RRP36: variants seen among roughly 807,000 people sequenced by gnomAD.
RRP36 encodes ribosomal RNA processing protein 36 homolog.
RRP36 carries 44 observed loss-of-function variants against 39.8 expected under a neutral mutation model. The observed-to-expected ratio is 1.10, with a 90% confidence interval of 0.87 to 1.42. RRP36 has a LOEUF of 1.42. Ranked by LOEUF, RRP36 falls within the 40% of genes most tolerant of loss-of-function variation. RRP36 has a pLI of 0.00. For missense variants in RRP36, 316 were observed against 322.4 expected (o/e 0.98, Z 0.15); for synonymous variants, 124 against 123.1 (o/e 1.01, Z -0.05).
At chr6:43,028,921 C>T (rs1029942969) in intron 6 of RRP36, among the ~76,000 whole-genome samples, 171 bp from the exon 7 acceptor site, 7 of 152,096 alleles carry the variant, frequency 4.6e-5, no homozygotes, top group African/African-American at 1.7e-4. Context: ...TCACTGCACT[C>T]CAGCCTGGGT....
chr6:43,027,247 C>T lies in RRP36; in HGVS notation c.520C>T (p.Arg174Ter), dbSNP rs1350000708. The part of the protein sequence containing the change: ...EHEKLQQLLQ[R>*]MEQQEMAQQE... ...TGAGAAACTGCAGCAACTGCTTCAG[C>T]GAATGGTGAGTGGGTAATAATTGTG... Residue 174 changes from arginine to a stop codon, truncating the protein, a stop_gained, in exon 5 of 7, where the codon CGA (arginine) becomes TGA (stop). Transcript: ENST00000244496. LOFTEE classifies it high-confidence loss of function. The T allele has an allele frequency of 1.2e-6, 2 of 1,614,010 alleles. No individual in the cohort carries two copies. Among genetic ancestry groups the T allele is most frequent in the Non-Finnish European group, 8.5e-7 (1 of 1,179,892 alleles).
At chr6:43,024,958 G>T (rs1372891602) in intron 1 of RRP36, 27 bp from the exon 2 acceptor site, 1 of 1,612,128 alleles carries the variant, frequency 6.2e-7, no homozygotes, top group Admixed American at 1.7e-5. Context: ...GCTGAGCTGA[G>T]TTGTATGTCC....
chr6:43,024,886 G>T, intron 1 of RRP36, 99 bp from the exon 2 acceptor site: 1 of 1,381,718 alleles, frequency 7.2e-7, no homozygotes, highest in Non-Finnish European at 1.0e-6. Context: ...GGTCTGATGG[G>T]GTATTAGGAT....
chr6:43,022,430 T>C (rs1285945961), intron 1 of RRP36, among the ~76,000 whole-genome samples: 1 of 151,940 alleles, frequency 6.6e-6, no homozygotes, highest in Non-Finnish European at 1.5e-5. Flanking sequence ...TTTTATTTTT[T>C]TGAGACAAAG....
rs560472568 is a variant in RRP36, at chr6:43,021,841, C to T, written c.130+57C>T. The T allele has an allele frequency of 2.7e-4, 315 of 1,181,202 alleles. 1 individual carries two copies. In the African/African-American group the frequency reaches 4.6e-3, roughly 17 times the overall value. 73.2% of individuals were successfully genotyped at this position (1,181,202 alleles called of 1,614,324 possible). ...GGGAAGGAGATTCCCAGGCGGGGCC[C>T]TGAGCCTGCAGAGACGGTGCCGGTA... On this transcript the variant is annotated intron_variant, in intron 1 of 6. Coordinates refer to ENST00000244496, the MANE Select transcript of RRP36 (RefSeq NM_033112.4).
At chr6:43,022,935 C>T (rs1353609277) in intron 1 of RRP36, among the ~76,000 whole-genome samples, 1 of 151,986 alleles carries the variant, frequency 6.6e-6, no homozygotes, top group East Asian at 1.9e-4. Flanking sequence ...CCAGCCAGGT[C>T]TCATCATGTT....
intron 5 of RRP36, 26 bp downstream of exon 5, chr6:43,027,278 T>A: frequency 6.2e-7 from 1 of 1,613,250 alleles, no homozygotes; most frequent in Non-Finnish European, 8.5e-7. Flanking sequence ...TTGTGGTGGG[T>A]AATGAAAGCA....
chr6:43,021,689 C>A lies in RRP36; in HGVS notation c.35C>A (p.Ala12Asp). Residue 12 changes from alanine (A) to aspartate (D), a missense_variant, in exon 1 of 7, where the codon GCC (alanine) becomes GAC (aspartate). Ala to Asp is a moderately radical substitution (Grantham distance 126). Coordinates refer to ENST00000244496, the MANE Select transcript of RRP36 (RefSeq NM_033112.4). ...PGANYRAGAGAGAGARRPRGA... is the reference protein window; with the variant it reads ...PGANYRAGAGDGAGARRPRGA... ...GCTAACTACCGCGCCGGGGCCGGGG[C>A]CGGGGCCGGGGCCCGACGTCCCCGC... The A allele has an allele frequency of 8.1e-7, 1 of 1,238,934 alleles. No individual in the cohort carries two copies. The highest frequency in any genetic ancestry group is 3.9e-5 in the South Asian group (1 of 25,846). 76.7% of individuals were successfully genotyped at this position (1,238,934 alleles called of 1,614,324 possible). A position where few individuals can be genotyped will look rare whatever the true frequency, so the allele number is the denominator to read the frequency against.
chr6:43,022,010 G>C (rs1311372221), intron 1 of RRP36, among the ~76,000 whole-genome samples: 1 of 152,220 alleles, frequency 6.6e-6, no homozygotes, highest in Non-Finnish European at 1.5e-5. Flanking sequence ...TCGGCGATGG[G>C]GAACGTATGT....
chr6:43,029,162 CTT>C lies in RRP36; in HGVS notation c.715_716del (p.Leu239GlufsTer58), dbSNP rs1172089278. 2 of 1,614,098 alleles carry C rather than the reference CTT, an allele frequency of 1.2e-6. No homozygotes were observed. Among genetic ancestry groups the C allele is most frequent in the African/African-American group, 2.7e-5 (2 of 74,938 alleles). On this transcript the variant is annotated frameshift_variant, in exon 7 of 7. Coordinates refer to ENST00000244496, the MANE Select transcript of RRP36 (RefSeq NM_033112.4). LOFTEE classifies it high-confidence loss of function. Reference protein sequence around the residue: ...LKRSKKLENFLSRKRRRNAGK... With the variant: ...LKRSKKLENFXSRKRRRNAGK... ...AACGCAGCAAGAAATTGGAGAACTT[CTT>C]GAGTCGAAAGAGGCGACGAAATGCA...
chr6:43,023,494 G>A (rs552013119), intron 1 of RRP36, among the ~76,000 whole-genome samples: 1 of 152,108 alleles, frequency 6.6e-6, no homozygotes, highest in Non-Finnish European at 1.5e-5. Flanking sequence ...AGGAGATCAA[G>A]ACCATCTGGG....
At chr6:43,028,826 G>C (rs1048134568) in intron 6 of RRP36, among the ~76,000 whole-genome samples, 69 of 148,260 alleles carry the variant, frequency 4.7e-4, no homozygotes, top group Admixed American at 4.4e-3. Flanking sequence ...GGTGGTGCGC[G>C]CCTGTAATCC....
chr6:43,025,039 C>T lies in RRP36; in HGVS notation c.185C>T (p.Thr62Ile). Residue 62 changes from threonine (T) to isoleucine (I), a missense_variant, in exon 2 of 7, where the codon ACT (threonine) becomes ATT (isoleucine). Thr to Ile is a moderately conservative substitution (Grantham distance 89). Transcript: ENST00000244496. ...TTGGAATTGCAGAGCCAAGTGGGGACTAAGACGTACAAACAATTGGTAGCT... is the reference window on the plus strand; with the variant it reads ...TTGGAATTGCAGAGCCAAGTGGGGATTAAGACGTACAAACAATTGGTAGCT... ...ELLELQSQVGTKTYKQLVAGN... is the reference protein window; with the variant it reads ...ELLELQSQVGIKTYKQLVAGN... 3 of 1,614,166 alleles carry T rather than the reference C, an allele frequency of 1.9e-6. No homozygotes were observed. Among genetic ancestry groups the T allele is most frequent in the Non-Finnish European group, 2.5e-6 (3 of 1,180,020 alleles).
Position 43,025,279 on chromosome 6 carries a change from G to T in RRP36, c.295G>T (p.Ala99Ser). The T allele has an allele frequency of 6.2e-7, 1 of 1,614,146 alleles. No individual in the cohort carries two copies. The highest frequency in any genetic ancestry group is 8.5e-7 in the Non-Finnish European group (1 of 1,180,026). The change falls in exon 3 of 7, where the codon GCC becomes TCC. Residue 99 changes from alanine to serine, a missense_variant. Physicochemically the swap from Ala to Ser is moderately conservative, Grantham distance 99 (BLOSUM62 1). Coordinates refer to ENST00000244496, the MANE Select transcript of RRP36 (RefSeq NM_033112.4). The stretch of plus-strand genomic sequence containing the variant: ...TCTCCATAGGCCTCTGGAAATGTCA[G>T]CCAAGATCCGAGTACCATTTTTACG... ...ADKHRPLEMS[A>S]KIRVPFLRQV...
Position 43,021,794 on chromosome 6 carries a change from TGGGGCAGGGCGGGCTGGGGA to T in RRP36, c.130+15_130+34del. 1 of 322,310 alleles carries T rather than the reference TGGGGCAGGGCGGGCTGGGGA, an allele frequency of 3.1e-6. No individual in the cohort carries two copies. The highest frequency in any genetic ancestry group is 4.5e-6 in the Non-Finnish European group (1 of 222,398). The allele number at this position is 322,310 out of a possible 1,614,324, so 20.0% of individuals were successfully genotyped here. A position where few individuals can be genotyped will look rare whatever the true frequency, so the allele number is the denominator to read the frequency against. The stretch of plus-strand genomic sequence containing the variant: ...CGCGACCTATTGAGGGGTGAGGGCA[TGGGGCAGGGCGGGCTGGGGA>T]GGGGAAGGAGATTCCCAGGCGGGGC... On this transcript the variant is annotated intron_variant, in intron 1 of 6. Coordinates refer to ENST00000244496, the MANE Select transcript of RRP36 (RefSeq NM_033112.4).
At chr6:43,026,220 G>C (rs1432873147) in intron 4 of RRP36, 79 bp downstream of exon 4, 3 of 958,186 alleles carry the variant, frequency 3.1e-6, no homozygotes, top group South Asian at 2.7e-5. Context: ...TGGGCAGGGG[G>C]AGTGGGAAGT....
intron 6 of RRP36, among the ~76,000 whole-genome samples, chr6:43,027,762 T>TACACACACAC (rs57851236): frequency 1.2e-4 from 10 of 81,692 alleles, no homozygotes; most frequent in Non-Finnish European, 1.8e-4. Flanking sequence ...TGGTCTACAC[T>TACACACACAC]ACACACACAC....
At position 43,021,662 on chromosome 6, in the gene RRP36, G is replaced by A. The variant is rs1762711266; in HGVS notation, c.8G>A (p.Gly3Glu). The change falls in exon 1 of 7, where the codon GGA (glycine) becomes GAA (glutamate). Residue 3 changes from glycine (G) to glutamate (E), a missense_variant. Transcript: ENST00000244496. The stretch of plus-strand genomic sequence containing the variant: ...GAGCGCTACTGCCAGCTGATGCCGG[G>A]AGCTAACTACCGCGCCGGGGCCGGG... MPGANYRAGAGAG... is the reference protein window; with the variant it reads MPEANYRAGAGAG... The A allele has an allele frequency of 2.3e-6, 3 of 1,277,446 alleles. No individual in the cohort carries two copies. The highest frequency in any genetic ancestry group is 9.9e-7 in the Non-Finnish European group (1 of 1,012,278). 79.1% of individuals were successfully genotyped at this position (1,277,446 alleles called of 1,614,324 possible).
At chr6:43,026,952 G>T (rs1366471050) in intron 4 of RRP36, among the ~76,000 whole-genome samples, 1 of 151,984 alleles carries the variant, frequency 6.6e-6, no homozygotes, top group Admixed American at 6.5e-5. Flanking sequence ...TGTAGTCCCA[G>T]CTACTTGGGA....
Sources: gnomAD v4.1 joint callset for allele counts (sites outside exome capture counted in the v4.1 genomes callset) on GRCh38, gnomAD v4.1.1 for gene constraint, MANE v1.5 for transcripts, NCBI Gene and HGNC (gene_info 2026-07-23, HGNC 2026-07-21) for gene names.